CNTLN: variants seen among roughly 807,000 people sequenced by gnomAD.
The protein encoded by CNTLN is centlein, centrosomal protein.
In CNTLN, 212 loss-of-function variants were observed where a neutral mutation model predicts 180.0. That is an observed-to-expected ratio of 1.18 (90% CI 1.05 to 1.32). The LOEUF (loss-of-function observed/expected upper bound fraction) is 1.32, where lower values mean the gene tolerates loss of function less well. Among genes scored for constraint, CNTLN ranks in the 40% most tolerant of loss-of-function variants. The pLI is 0.00. For missense variants in CNTLN, 2,095 were observed against 1,610.9 expected, an observed-to-expected ratio of 1.30 and a Z score of -5.14; for synonymous variants, 722 against 563.1, an observed-to-expected ratio of 1.28 and a Z score of -3.99.
chr9:17,294,432 C>G (rs927466998), intron 6 of CNTLN, among the ~76,000 whole-genome samples: 3 of 148,530 alleles, frequency 2.0e-5, no homozygotes, highest in Non-Finnish European at 4.5e-5. Flanking sequence ...CCAAGTCCCA[C>G]TAGATTCTTT....
intron 15 of CNTLN, among the ~76,000 whole-genome samples, chr9:17,398,674 G>T (rs80102452): frequency 0.01 from 1,558 of 152,028 alleles, 13 homozygotes; most frequent in Non-Finnish European, 0.016. Flanking sequence ...TTTATTTGCC[G>T]CCTGCAAACT....
chr9:17,149,618 T>C (rs1185370279), intron 2 of CNTLN, among the ~76,000 whole-genome samples: 1 of 149,592 alleles, frequency 6.7e-6, no homozygotes, highest in African/African-American at 2.5e-5. Context: ...CCCGGGTTCA[T>C]GCCATTCTCC....
intron 5 of CNTLN, among the ~76,000 whole-genome samples, chr9:17,262,644 G>C (rs1023557719): frequency 5.3e-5 from 8 of 151,288 alleles, no homozygotes; most frequent in Non-Finnish European, 7.4e-5. Context: ...TTAACACCTA[G>C]TTGATGGGTT....
chr9:17,295,318 G>C (rs1817802120), intron 6 of CNTLN, among the ~76,000 whole-genome samples: 1 of 152,200 alleles, frequency 6.6e-6, no homozygotes, highest in Non-Finnish European at 1.5e-5. Flanking sequence ...AGCGCCGCCA[G>C]AGTGGGCGCC....
chr9:17,321,384 T>C (rs9298773), intron 8 of CNTLN, among the ~76,000 whole-genome samples: 83,381 of 152,002 alleles, frequency 0.55, 23,609 homozygotes, highest in East Asian at 0.73. Context: ...CTCTGGACTC[T>C]GAGCTCCTTG....
chr9:17,235,436 A>G (rs10962924), intron 3 of CNTLN, among the ~76,000 whole-genome samples: 30,523 of 151,958 alleles, frequency 0.2, 3,755 homozygotes, highest in African/African-American at 0.34. Context: ...AATATTTAAT[A>G]TCCAGTTTTT....
At chr9:17,402,983 C>T (rs1162203529) in intron 15 of CNTLN, among the ~76,000 whole-genome samples, 1 of 151,728 alleles carries the variant, frequency 6.6e-6, no homozygotes, top group Non-Finnish European at 1.5e-5. Flanking sequence ...TTCCCACTCC[C>T]ACTCCAAAAA....
intron 2 of CNTLN, among the ~76,000 whole-genome samples, chr9:17,196,198 A>G (rs1303725483): frequency 6.6e-6 from 1 of 151,768 alleles, no homozygotes; most frequent in South Asian, 2.1e-4. Flanking sequence ...TAATTTTTCT[A>G]TCTTTGAGAG....
chr9:17,457,681 A>G lies in CNTLN; in HGVS notation c.3272A>G (p.Asp1091Gly), dbSNP rs1299061001. The change falls in exon 19 of 26, where the codon GAT becomes GGT. Residue 1091 changes from aspartate (D) to glycine (G), a missense_variant. Asp to Gly is a moderately conservative substitution (Grantham distance 94, BLOSUM62 -1). Transcript: ENST00000380647. ...TCACTTAGTCCTTCAAGGAGCATGG[A>G]TTTGGAAATGAAGCAATTGCAGTAT... The part of the protein sequence containing the change: ...VTSLSPSRSM[D>G]LEMKQLQYKL... The G allele has an allele frequency of 6.6e-7, 1 of 1,507,118 alleles. No individual in the cohort carries two copies. Among genetic ancestry groups the G allele is most frequent in the Admixed American group, 2.0e-5 (1 of 50,304 alleles). The allele number at this position is 1,507,118 out of a possible 1,614,324, so 93.4% of individuals were successfully genotyped here.
At chr9:17,514,481 A>G in the CNTLN span, among the ~76,000 whole-genome samples, 1 of 152,220 alleles carries the variant, frequency 6.6e-6, no homozygotes, top group African/African-American at 2.4e-5. Context: ...CTACACACAG[A>G]AGAAGATGAA....
intron 25 of CNTLN, among the ~76,000 whole-genome samples, chr9:17,493,170 A>G (rs1344737186): frequency 3.3e-5 from 5 of 152,178 alleles, no homozygotes; most frequent in Non-Finnish European, 7.4e-5. Context: ...TTACACAACA[A>G]CATGAATGTA....
the CNTLN span, among the ~76,000 whole-genome samples, chr9:17,523,688 C>T: frequency 6.6e-6 from 1 of 152,174 alleles, no homozygotes; most frequent in African/African-American, 2.4e-5. Flanking sequence ...TGAACTTCAG[C>T]CATGTACAAT....
At chr9:17,392,898 G>A (rs1224867797) in intron 14 of CNTLN, among the ~76,000 whole-genome samples, 1 of 151,506 alleles carries the variant, frequency 6.6e-6, no homozygotes, top group Non-Finnish European at 1.5e-5. Flanking sequence ...GTAAAGTTTA[G>A]TAAACTGGAA....
chr9:17,418,478 T>A (rs1025360816), intron 18 of CNTLN, among the ~76,000 whole-genome samples: 9 of 152,132 alleles, frequency 5.9e-5, no homozygotes, highest in African/African-American at 2.2e-4. Flanking sequence ...TCCCAGATTC[T>A]CATCTACTGG....
At chr9:17,487,151 A>G (rs1832933210) in intron 25 of CNTLN, 85 bp downstream of exon 25, 1 of 866,020 alleles carries the variant, frequency 1.2e-6, no homozygotes, top group Non-Finnish European at 1.9e-6. Context: ...AACTTTTTGT[A>G]AACACTTCCC....
At chr9:17,470,344 G>T (rs1019628378) in intron 23 of CNTLN, among the ~76,000 whole-genome samples, 86 of 152,022 alleles carry the variant, frequency 5.7e-4, no homozygotes, top group East Asian at 1.2e-3. Flanking sequence ...GGAACATTAT[G>T]ATCACCAGGA....
intron 5 of CNTLN, among the ~76,000 whole-genome samples, chr9:17,267,022 C>A (rs991993861): frequency 6.6e-6 from 1 of 152,134 alleles, no homozygotes; most frequent in Non-Finnish European, 1.5e-5. Context: ...TTAATTGGAG[C>A]ATGTTGCCCA....
At chr9:17,267,783 T>G (rs886548870) in intron 5 of CNTLN, among the ~76,000 whole-genome samples, 2 of 152,218 alleles carry the variant, frequency 1.3e-5, no homozygotes, top group Non-Finnish European at 2.9e-5. Flanking sequence ...CTTCATTTCA[T>G]TCATTTCATC....
chr9:17,305,826 A>G (rs2132871198), intron 7 of CNTLN, among the ~76,000 whole-genome samples: 1 of 152,308 alleles, frequency 6.6e-6, no homozygotes, highest in East Asian at 1.9e-4. Flanking sequence ...TATTAAATAC[A>G]TGAAATCCAG....
Sources: gnomAD v4.1 joint callset for allele counts (sites outside exome capture counted in the v4.1 genomes callset) on GRCh38, gnomAD v4.1.1 for gene constraint, MANE v1.5 for transcripts, NCBI Gene and HGNC (gene_info 2026-07-23, HGNC 2026-07-21) for gene names.